Variants in INHBA observed in about 807,000 individuals in gnomAD.
INHBA encodes inhibin subunit beta A.
INHBA carries 1 observed loss-of-function variant against 29.0 expected under a neutral mutation model. The ratio of observed to expected loss-of-function variants is 0.03; its 90% CI spans 0.01 to 0.16. The LOEUF is 0.16. Ranked by LOEUF, INHBA falls within the 10% of genes least tolerant of loss-of-function variation. INHBA has a pLI of 1.00. For missense variants in INHBA, 376 were observed against 545.4 expected, an observed-to-expected ratio of 0.69 and a Z score of 3.09; for synonymous variants, 242 against 216.8, an observed-to-expected ratio of 1.12 and a Z score of -1.02.
Position 41,700,469 on chromosome 7 carries a change from A to ATTTTTT in INHBA, c.-101_-96dup. 2.1e-6 allele frequency: 2 copies of ATTTTTT among 944,098 alleles called. No individual in the cohort carries two copies. Among genetic ancestry groups the ATTTTTT allele is most frequent in the Non-Finnish European group, 2.8e-6 (2 of 716,802 alleles). The allele number at this position is 944,098 out of a possible 1,614,324, so 58.5% of individuals were successfully genotyped here. ...TTTTTTTGTGTGTGTGGATTTTTTT[A>ATTTTTT]TTTTTTTTTTTGGTGTTTTTTTTTT... On this transcript the variant is annotated 5_prime_UTR_variant, in exon 2 of 3. Transcript: ENST00000242208.
chr7:41,691,288 T>A (rs2128669507), intron 2 of INHBA: 1 of 152,538 alleles, frequency 6.6e-6, no homozygotes, highest in Non-Finnish European at 1.5e-5. Flanking sequence ...GCTGGGTCAC[T>A]GCAGCAGCAT....
rs1794433360 is a variant in INHBA, at chr7:41,688,590, T to A, written c.*1060A>T. ...ATAGCTATTTTGTGTGCTGTAGCAG[T>A]TCTTTTATAGCTCACATTAAGTGCA... On this transcript the variant is annotated 3_prime_UTR_variant, in exon 3 of 3. Transcript: ENST00000242208. The A allele has an allele frequency of 6.6e-6, 1 of 151,530 alleles. No individual in the cohort carries two copies. Among genetic ancestry groups the A allele is most frequent in the Non-Finnish European group, 1.5e-5 (1 of 67,920 alleles). The allele number at this position is 151,530 out of a possible 1,614,324, so 9.4% of individuals were successfully genotyped here.
rs1247850254 is a variant in INHBA, at chr7:41,686,626, G to T, written c.*3024C>A. On this transcript the variant is annotated 3_prime_UTR_variant, in exon 3 of 3. Coordinates refer to ENST00000242208, the MANE Select transcript of INHBA (RefSeq NM_002192.4). ...AAATTTAACAAAATTAAAGTTTGTG[G>T]GTGTTTGATAACCCAATCACTCAAT... 1 of 152,054 alleles carries T rather than the reference G, an allele frequency of 6.6e-6. No homozygotes were observed. The highest frequency in any genetic ancestry group is 6.6e-5 in the Admixed American group (1 of 15,258). 9.4% of individuals were successfully genotyped at this position (152,054 alleles called of 1,614,324 possible).
intron 2 of INHBA, among the ~76,000 whole-genome samples, chr7:41,697,746 T>C (rs1794680381): frequency 6.6e-6 from 1 of 152,254 alleles, no homozygotes; most frequent in Non-Finnish European, 1.5e-5. Context: ...ACATAGGTCT[T>C]TTCTATTCAT....
Position 41,689,339 on chromosome 7 carries a change from C to G in INHBA, c.*311G>C, listed in dbSNP as rs187123304. 6.4e-6 allele frequency: 2 copies of G among 313,300 alleles called. No homozygotes were observed. The highest frequency in any genetic ancestry group is 4.3e-5 in the African/African-American group (2 of 46,974). 19.4% of individuals were successfully genotyped at this position (313,300 alleles called of 1,614,324 possible). ...CTCAAGGGGGGAAAGGACAATACCC[C>G]GTTTAAACAACTGATGTCATCAGTG... On this transcript the variant is annotated 3_prime_UTR_variant, in exon 3 of 3. Transcript: ENST00000242208.
rs941478216 is a variant in INHBA, at chr7:41,689,057, T to C, written c.*593A>G. 1.7e-5 allele frequency: 4 copies of C among 233,248 alleles called. No individual in the cohort carries two copies. The highest frequency in any genetic ancestry group is 2.5e-5 in the Non-Finnish European group (3 of 117,996). The allele number at this position is 233,248 out of a possible 1,614,324, so 14.4% of individuals were successfully genotyped here. ...AGGAAGTGTGACCACCTGCACACGA[T>C]TGTTCTTTTACCAGTATGTGTATAT... On this transcript the variant is annotated 3_prime_UTR_variant, in exon 3 of 3. Transcript: ENST00000242208.
chr7:41,695,244 T>A (rs1435257811), intron 2 of INHBA, among the ~76,000 whole-genome samples: 1 of 152,244 alleles, frequency 6.6e-6, no homozygotes, highest in Non-Finnish European at 1.5e-5. Flanking sequence ...CTAATGTGAA[T>A]GTGGAAAGCC....
At chr7:41,701,572 C>T (rs1040397615) in intron 1 of INHBA, among the ~76,000 whole-genome samples, 3 of 152,116 alleles carry the variant, frequency 2.0e-5, no homozygotes, top group Non-Finnish European at 2.9e-5. Context: ...GTTCCAGAAG[C>T]GCTTTCTCCC....
chr7:41,693,240 A>C (rs1794561009), intron 2 of INHBA, among the ~76,000 whole-genome samples: 1 of 152,166 alleles, frequency 6.6e-6, no homozygotes, highest in Non-Finnish European at 1.5e-5. Context: ...TGCCCCGGAT[A>C]GGGAGGCTTA....
At chr7:41,704,620 G>A (rs1324574092), upstream of INHBA, among the ~76,000 whole-genome samples, 1 of 58,316 alleles carries the variant, frequency 1.7e-5, no homozygotes, top group African/African-American at 6.2e-5. Flanking sequence ...TAGTGTGTGT[G>A]TGTGTGTGTG....
chr7:41,693,205 G>A (rs1404743140), intron 2 of INHBA, among the ~76,000 whole-genome samples: 1 of 152,216 alleles, frequency 6.6e-6, no homozygotes. Context: ...CTAGGAAAGA[G>A]TGTAAAACTG....
chr7:41,691,034 T>A (rs894558012), intron 2 of INHBA, among the ~76,000 whole-genome samples: 1 of 152,208 alleles, frequency 6.6e-6, no homozygotes, highest in African/African-American at 2.4e-5. Context: ...CTCAGTTTCA[T>A]CTTCTATAAA....
Position 41,690,125 on chromosome 7 carries a change from C to T in INHBA, c.806G>A (p.Gly269Glu), listed in dbSNP as rs779220866. Residue 269 changes from glycine (G) to glutamate (E), a missense_variant, in exon 3 of 3, where the codon GGG becomes GAG. This residue lies in a region of INHBA where 253 missense variants were observed against 313.4 expected (regional missense o/e 0.81). Transcript: ENST00000242208. ...ACCTTCACCTCCGCCCTTCTTTTTC[C>T]CTTCCCCCTCCTCTTCTTTCTTCTT... The part of the protein sequence containing the change: ...KKKKKEEEGE[G>E]KKKGGGEGGA... The T allele has an allele frequency of 1.5e-5, 24 of 1,613,128 alleles. No individual in the cohort carries two copies. The highest frequency in any genetic ancestry group is 4.5e-5 in the East Asian group (2 of 44,806).
chr7:41,697,650 G>A (rs1475167183), intron 2 of INHBA, among the ~76,000 whole-genome samples: 3 of 152,184 alleles, frequency 2.0e-5, no homozygotes, highest in Admixed American at 6.5e-5. Flanking sequence ...AAAGAAAAAT[G>A]CATTCCTTTT....
intron 2 of INHBA, 93 bp from the exon 3 acceptor site, chr7:41,690,635 C>T (rs1380609628): frequency 7.0e-7 from 1 of 1,421,330 alleles, no homozygotes; most frequent in African/African-American, 1.4e-5. Context: ...CAGGAGTCTT[C>T]TGTGACAGAC....
Position 41,700,478 on chromosome 7 carries a change from T to G in INHBA, c.-104A>C, listed in dbSNP as rs1364117778. ...GTGTGTGGATTTTTTTATTTTTTTT[T>G]TTGGTGTTTTTTTTTTCCTTCTCCT... is the stretch of plus-strand genomic sequence containing the variant. On this transcript the variant is annotated 5_prime_UTR_variant, in exon 2 of 3. Coordinates refer to ENST00000242208, the MANE Select transcript of INHBA (RefSeq NM_002192.4). 2.5e-6 allele frequency: 3 copies of G among 1,190,760 alleles called. No homozygotes were observed. The highest frequency in any genetic ancestry group is 2.9e-5 in the Admixed American group (1 of 34,790). The allele number at this position is 1,190,760 out of a possible 1,614,324, so 73.8% of individuals were successfully genotyped here. A position where few individuals can be genotyped will look rare whatever the true frequency, so the allele number is the denominator to read the frequency against.
At position 41,689,361 on chromosome 7, in the gene INHBA, A is replaced by C. The variant is rs918548026; in HGVS notation, c.*289T>G. 1.5e-4 allele frequency: 54 copies of C among 365,226 alleles called. No individual in the cohort carries two copies. Among genetic ancestry groups the C allele is most frequent in the Middle Eastern group, 7.3e-4 (1 of 1,370 alleles). The allele number at this position is 365,226 out of a possible 1,614,324, so 22.6% of individuals were successfully genotyped here. ...CCCCGTTTAAACAACTGATGTCATC[A>C]GTGTGATTTCAGAAGAAATAAAGGG... On this transcript the variant is annotated 3_prime_UTR_variant, in exon 3 of 3. Coordinates refer to ENST00000242208, the MANE Select transcript of INHBA (RefSeq NM_002192.4).
intron 2 of INHBA, among the ~76,000 whole-genome samples, chr7:41,697,944 A>G (rs1186314408): frequency 4.6e-5 from 7 of 152,198 alleles, no homozygotes; most frequent in African/African-American, 1.7e-4. Flanking sequence ...AAAATAAGCA[A>G]TTGTAATAAG....
At position 41,689,102 on chromosome 7, in the gene INHBA, CTGTG is replaced by C. The variant is rs56919042; in HGVS notation, c.*544_*547del. On this transcript the variant is annotated 3_prime_UTR_variant, in exon 3 of 3. Transcript: ENST00000242208. ...GTATATATGTAATGTGTGGAAATGC[CTGTG>C]TGTGTGTGTGTGTGTGTGTGTGTGT... is the stretch of plus-strand genomic sequence containing the variant. The C allele has an allele frequency of 0.014, 3,193 of 223,614 alleles. 11 individuals are homozygous for C. Among genetic ancestry groups the C allele is most frequent in the East Asian group, 0.038 (602 of 15,932 alleles). 13.9% of individuals were successfully genotyped at this position (223,614 alleles called of 1,614,324 possible).
Sources: allele counts gnomAD v4.1 joint callset (sites outside exome capture counted in the v4.1 genomes callset), GRCh38; gene constraint gnomAD v4.1.1; regional missense constraint gnomAD v4.1.1; transcripts MANE v1.5; gene names NCBI Gene and HGNC (gene_info 2026-07-23, HGNC 2026-07-21).